PKHD1: variants seen among roughly 807,000 people sequenced by gnomAD.
The protein encoded by PKHD1 is fibrocystin.
In PKHD1, 291 loss-of-function variants were observed where a neutral mutation model predicts 412.0. That is an observed-to-expected ratio of 0.71 (90% CI 0.64 to 0.78). The LOEUF is 0.78. Among genes scored for constraint, PKHD1 ranks in the 30% least tolerant of loss-of-function variants. The pLI is 0.00. For synonymous variants in PKHD1, 1,777 were observed against 1,821.5 expected (o/e 0.98, Z 0.62); for missense variants, 4,825 against 4,950.7 (o/e 0.97, Z 0.76).
intron 52 of PKHD1, among the ~76,000 whole-genome samples, chr6:51,804,324 C>A (rs1386620572): frequency 8.2e-6 from 1 of 122,196 alleles, no homozygotes; most frequent in Non-Finnish European, 1.6e-5. Context: ...GCTCAACTCA[C>A]TTATACATGA....
chr6:52,071,596 G>A (rs1484659400), intron 8 of PKHD1, among the ~76,000 whole-genome samples: 1 of 152,052 alleles, frequency 6.6e-6, no homozygotes, highest in Admixed American at 6.6e-5. Flanking sequence ...GGAGAGTGTA[G>A]AAACTTATTT....
chr6:51,670,298 G>T (rs1774698369), intron 60 of PKHD1, among the ~76,000 whole-genome samples: 1 of 152,170 alleles, frequency 6.6e-6, no homozygotes, highest in Non-Finnish European at 1.5e-5. Context: ...TTACCATTAT[G>T]TAATGGCCTT....
chr6:52,050,502 C>T (rs889642079), intron 21 of PKHD1, among the ~76,000 whole-genome samples: 1 of 152,170 alleles, frequency 6.6e-6, no homozygotes, highest in Admixed American at 6.5e-5. Context: ...GTGCAAGGTC[C>T]TGATTTAAGG....
rs115014931 is a variant in PKHD1 at position 51,908,897 on chromosome 6, C to T, written c.6682+386G>A. On this transcript the variant is annotated intron_variant, in intron 40 of 66. Transcript: ENST00000371117. ...TGTAATGCCAATTCACCTGTAGTCA[C>T]AAAGCTAGTAAGTGGTAGAGACAGA... Among the ~76,000 whole-genome samples, 362 of 152,204 alleles carry T rather than the reference C, an allele frequency of 2.4e-3. 1 individual carries two copies. The highest frequency in any genetic ancestry group is 0.012 in the South Asian group (59 of 4,818).
rs567309820 is a variant in PKHD1 at position 51,714,846 on chromosome 6, G to GA, written c.10156+29538dup. 3.0e-4 allele frequency among the ~76,000 whole-genome samples: 45 copies of GA among 152,020 alleles called. 1 individual carries two copies. Among genetic ancestry groups the GA allele is most frequent in the African/African-American group, 1.0e-3 (42 of 41,514 alleles). Reference sequence around the variant, plus strand: ...CTCTGTTGAAGTTTCAATACCAGAGGAAAAAAATCACATTTACCAATCTGT... The same window carrying GA: ...CTCTGTTGAAGTTTCAATACCAGAGGAAAAAAAATCACATTTACCAATCTGT... On this transcript the variant is annotated intron_variant, in intron 60 of 66. Transcript: ENST00000371117.
At chr6:51,622,031 C>A (rs374658740) in intron 66 of PKHD1, 1 of 152,164 alleles carries the variant, frequency 6.6e-6, no homozygotes, top group South Asian at 2.1e-4. Context: ...TTCCTCCATG[C>A]CTCTTAGAAT....
chr6:51,832,184 A>C (rs902329891), intron 51 of PKHD1, among the ~76,000 whole-genome samples: 2 of 152,142 alleles, frequency 1.3e-5, no homozygotes, highest in African/African-American at 2.4e-5. Context: ...CTACACAGGC[A>C]CTGAGGGGAG....
intron 61 of PKHD1, among the ~76,000 whole-genome samples, chr6:51,649,953 G>T (rs1455466536): frequency 6.6e-6 from 1 of 152,146 alleles, no homozygotes; most frequent in Non-Finnish European, 1.5e-5. Context: ...ATGATAAAGT[G>T]TTCATATATA....
intron 60 of PKHD1, among the ~76,000 whole-genome samples, chr6:51,672,555 G>A (rs755689947): frequency 6.6e-6 from 1 of 152,202 alleles, no homozygotes; most frequent in Non-Finnish European, 1.5e-5. Flanking sequence ...GTCTGCCCGT[G>A]TTGTGGAGAA....
chr6:51,727,316 C>T (rs1314972978), intron 60 of PKHD1, among the ~76,000 whole-genome samples: 1 of 152,094 alleles, frequency 6.6e-6, no homozygotes, highest in Non-Finnish European at 1.5e-5. Context: ...TCCGCAGCAA[C>T]CTCAATTTCT....
chr6:51,712,699 T>G (rs1027438260), intron 60 of PKHD1, among the ~76,000 whole-genome samples: 59 of 152,204 alleles, frequency 3.9e-4, no homozygotes, highest in African/African-American at 1.4e-3. Context: ...GGCAAAGCAC[T>G]GAGGCCTGAC....
intron 60 of PKHD1, among the ~76,000 whole-genome samples, chr6:51,681,572 T>C (rs1776666100): frequency 6.6e-6 from 1 of 152,030 alleles, no homozygotes; most frequent in Admixed American, 6.6e-5. Flanking sequence ...TGTATGTGTG[T>C]GAATACATAT....
chr6:51,871,338 C>T (rs1367623434), intron 46 of PKHD1, among the ~76,000 whole-genome samples: 3 of 54,876 alleles, frequency 5.5e-5, no homozygotes, highest in East Asian at 2.2e-4. Flanking sequence ...GAATACTATT[C>T]GTCGATAATA....
chr6:51,793,611 T>C (rs1794104535), intron 52 of PKHD1, among the ~76,000 whole-genome samples: 1 of 152,158 alleles, frequency 6.6e-6, no homozygotes, highest in Non-Finnish European at 1.5e-5. Context: ...CAAGAACACG[T>C]GGTATTTTGT....
intron 36 of PKHD1, among the ~76,000 whole-genome samples, chr6:51,955,567 G>A (rs896385587): frequency 2.0e-5 from 3 of 152,102 alleles, no homozygotes; most frequent in Non-Finnish European, 2.9e-5. Context: ...CCTGTTGTAC[G>A]AGCCCAGTTT....
chr6:51,652,182 T>G (rs1278465351), intron 61 of PKHD1, among the ~76,000 whole-genome samples: 1 of 151,992 alleles, frequency 6.6e-6, no homozygotes, highest in East Asian at 1.9e-4. Flanking sequence ...GTTAGGTATG[T>G]GAGAGATTTT....
chr6:51,690,070 G>A (rs1228443390), intron 60 of PKHD1, among the ~76,000 whole-genome samples: 3 of 151,824 alleles, frequency 2.0e-5, no homozygotes, highest in African/African-American at 4.8e-5. Flanking sequence ...TCATGAGCTC[G>A]AGACCAGCTT....
At chr6:52,048,438 A>C in intron 23 of PKHD1, 54 bp downstream of exon 23, 1 of 1,558,912 alleles carries the variant, frequency 6.4e-7, no homozygotes, top group Non-Finnish European at 8.9e-7. Flanking sequence ...TCCCTTGGGA[A>C]TGTGAGTGAG....
intron 33 of PKHD1, among the ~76,000 whole-genome samples, chr6:52,020,086 G>GA (rs2128134063): frequency 6.6e-6 from 1 of 152,200 alleles, no homozygotes; most frequent in South Asian, 2.1e-4. Flanking sequence ...TCAAACTGAA[G>GA]AAAAAAACTC....
Sources: allele counts gnomAD v4.1 joint callset (sites outside exome capture counted in the v4.1 genomes callset), GRCh38; gene constraint gnomAD v4.1.1; transcripts MANE v1.5; gene names NCBI Gene and HGNC (gene_info 2026-07-23, HGNC 2026-07-21).